Variants in TOX observed in about 807,000 individuals in gnomAD.
TOX encodes thymocyte selection associated high mobility group box.
In TOX, 11 loss-of-function variants were observed where a neutral mutation model predicts 53.7. That is an observed-to-expected ratio of 0.20 (90% confidence interval 0.13 to 0.34). TOX has a LOEUF of 0.34. Ranked by LOEUF, TOX falls within the 10% of genes least tolerant of loss-of-function variation. The pLI, the probability that TOX is intolerant of heterozygous loss-of-function variation, is 1.00. For missense variants in TOX, 570 were observed against 664.6 expected, an observed-to-expected ratio of 0.86 and a Z score of 1.56; for synonymous variants, 225 against 245.3, an observed-to-expected ratio of 0.92 and a Z score of 0.77.
At chr8:58,939,597 A>G in intron 2 of TOX, 53 bp from the exon 3 acceptor site, 2 of 1,542,210 alleles carry the variant, frequency 1.3e-6, no homozygotes, top group Non-Finnish European at 1.7e-6. Flanking sequence ...CTTGCTCTTC[A>G]TCATCATATC....
intron 3 of TOX, among the ~76,000 whole-genome samples, chr8:58,873,843 A>G (rs1328073400): frequency 6.6e-6 from 1 of 151,790 alleles, no homozygotes; most frequent in Non-Finnish European, 1.5e-5. Context: ...CAGAGATTCC[A>G]TGAATATTGG....
chr8:58,939,710 A>G (rs1477698762), intron 2 of TOX, among the ~76,000 whole-genome samples, 166 bp from the exon 3 acceptor site: 1 of 152,256 alleles, frequency 6.6e-6, no homozygotes, highest in Non-Finnish European at 1.5e-5. Context: ...TTATGCATGA[A>G]AGAAAATTGC....
intron 3 of TOX, among the ~76,000 whole-genome samples, chr8:58,897,496 C>T (rs1296175548): frequency 6.6e-6 from 1 of 152,206 alleles, no homozygotes; most frequent in Non-Finnish European, 1.5e-5. Flanking sequence ...AGAAATTTAT[C>T]ACTCAAAATC....
At chr8:59,084,078 C>T (rs900765774) in intron 1 of TOX, among the ~76,000 whole-genome samples, 2 of 152,034 alleles carry the variant, frequency 1.3e-5, no homozygotes, top group Non-Finnish European at 2.9e-5. Context: ...CATTTCTTTA[C>T]CCATAGGTTT....
At chr8:58,934,346 C>T (rs1012279659) in intron 3 of TOX, among the ~76,000 whole-genome samples, 23 of 152,264 alleles carry the variant, frequency 1.5e-4, no homozygotes, top group Admixed American at 1.4e-3. Flanking sequence ...ATGTATGCTG[C>T]ACCCCAATAT....
chr8:58,954,179 T>G (rs1174180091), intron 2 of TOX, among the ~76,000 whole-genome samples: 1 of 152,292 alleles, frequency 6.6e-6, no homozygotes, highest in Admixed American at 6.5e-5. Flanking sequence ...AGTCTTGTAC[T>G]TGAAATAATT....
chr8:58,920,530 G>T (rs1812047875), intron 3 of TOX, among the ~76,000 whole-genome samples: 1 of 66,336 alleles, frequency 1.5e-5, no homozygotes, highest in African/African-American at 6.0e-5. Context: ...ACACAGGAAG[G>T]GGAATATCAC....
rs546159244 is a variant in TOX, at chr8:58,815,535, T to C, written c.1195A>G (p.Lys399Glu). 16 of 1,613,912 alleles carry C rather than the reference T, an allele frequency of 9.9e-6. No homozygotes were observed. Among genetic ancestry groups the C allele is most frequent in the Admixed American group, 1.7e-5 (1 of 59,990 alleles). ...HPSLPRNIAP[K>E]PNNQMPVTVS... The stretch of plus-strand genomic sequence containing the variant: ...GTCACTGGCATTTGGTTATTCGGCT[T>C]GGGGGCTATGTTCCTGGGGAGACTA... The change falls in exon 7 of 9, where the codon AAG (lysine) becomes GAG (glutamate). Residue 399 changes from lysine (K) to glutamate (E), a missense_variant. Physicochemically the swap from Lys to Glu is moderately conservative, Grantham distance 56. Around this residue, in one of 3 missense-constraint regions of TOX, gnomAD observed 239 missense variants for 250.7 expected, o/e 0.95. Coordinates refer to ENST00000361421, the MANE Select transcript of TOX (RefSeq NM_014729.3).
rs1173710545 is a variant in TOX at position 58,873,958 on chromosome 8, C to CTTTTTTTTTTTTTTTTTT, written c.412-22171_412-22154dup. ...AATACACATCCTGAATGCCAGGAAG[C>CTTTTTTTTTTTTTTTTTT]TTTTTTTTTTTTTTTTTTTTTTTTT... On this transcript the variant is annotated intron_variant, in intron 3 of 8. Transcript: ENST00000361421. Among the ~76,000 whole-genome samples the CTTTTTTTTTTTTTTTTTT allele has an allele frequency of 1.4e-3, 57 of 40,136 alleles. 23 individuals are homozygous for CTTTTTTTTTTTTTTTTTT. The highest frequency in any genetic ancestry group is 7.9e-3 in the African/African-American group (46 of 5,792). The allele number at this position is 40,136 out of a possible 152,430, so 26.3% of individuals were successfully genotyped here. A position where few individuals can be genotyped will look rare whatever the true frequency, so the allele number is the denominator to read the frequency against.
intron 1 of TOX, among the ~76,000 whole-genome samples, chr8:59,014,477 A>G (rs1813972481): frequency 6.6e-6 from 1 of 152,248 alleles, no homozygotes; most frequent in Non-Finnish European, 1.5e-5. Flanking sequence ...ATCAAAGCCT[A>G]TCTTGATATG....
chr8:58,976,378 A>G (rs910605201), intron 1 of TOX, among the ~76,000 whole-genome samples: 12 of 152,234 alleles, frequency 7.9e-5, no homozygotes, highest in African/African-American at 2.9e-4. Context: ...GATTGCAGCA[A>G]TTCAGTCGCA....
At chr8:59,034,975 G>A (rs539521060) in intron 1 of TOX, among the ~76,000 whole-genome samples, 2 of 152,294 alleles carry the variant, frequency 1.3e-5, no homozygotes, top group East Asian at 3.9e-4. Context: ...AAGGTGGAAA[G>A]AGGGGAAGAG....
intron 1 of TOX, among the ~76,000 whole-genome samples, chr8:58,976,164 AC>A (rs1174336291): frequency 6.6e-6 from 1 of 152,182 alleles, no homozygotes; most frequent in Non-Finnish European, 1.5e-5. Context: ...ATAGCATGCT[AC>A]CTACAGTAGA....
intron 2 of TOX, among the ~76,000 whole-genome samples, chr8:58,946,038 G>A (rs1337666225): frequency 6.6e-6 from 1 of 151,934 alleles, no homozygotes; most frequent in Non-Finnish European, 1.5e-5. Flanking sequence ...TATGGCTATG[G>A]TTATAACTTT....
intron 1 of TOX, among the ~76,000 whole-genome samples, chr8:59,048,616 G>C (rs1803731389): frequency 6.6e-6 from 1 of 152,080 alleles, no homozygotes; most frequent in African/African-American, 2.4e-5. Context: ...AATGAATTGA[G>C]CCAAAAAATA....
chr8:58,857,106 A>T (rs1026689829), intron 3 of TOX, among the ~76,000 whole-genome samples: 3 of 152,184 alleles, frequency 2.0e-5, no homozygotes, highest in Non-Finnish European at 4.4e-5. Flanking sequence ...TAGGAACTCA[A>T]TACATATTTC....
At chr8:58,826,975 TG>T in intron 5 of TOX, 73 bp from the exon 6 acceptor site, 1 of 1,142,730 alleles carries the variant, frequency 8.8e-7, no homozygotes, top group Non-Finnish European at 1.3e-6. Context: ...CAATATAGAA[TG>T]ATAACTGCAC....
chr8:58,858,086 A>C (rs569000806), intron 3 of TOX, among the ~76,000 whole-genome samples: 2 of 152,298 alleles, frequency 1.3e-5, no homozygotes, highest in African/African-American at 4.8e-5. Flanking sequence ...ATTTTCTTTG[A>C]AAAGCAAAAG....
At chr8:58,839,495 T>C (rs112006157) in intron 4 of TOX, among the ~76,000 whole-genome samples, 3 of 152,346 alleles carry the variant, frequency 2.0e-5, no homozygotes, top group African/African-American at 7.2e-5. Context: ...AAAAACACAT[T>C]GAACATATTT....
Sources: gnomAD v4.1 joint callset for allele counts (sites outside exome capture counted in the v4.1 genomes callset) on GRCh38, gnomAD v4.1.1 for gene constraint, gnomAD v4.1.1 regional missense constraint, MANE v1.5 for transcripts, NCBI Gene and HGNC (gene_info 2026-07-23, HGNC 2026-07-21) for gene names.